Variants in RABGAP1L observed in about 807,000 individuals in gnomAD.
RABGAP1L encodes the protein RAB GTPase activating protein 1 like.
A neutral mutation model predicts 137.7 loss-of-function variants in RABGAP1L; 63 were observed. The ratio of observed to expected loss-of-function variants is 0.46; its 90% CI spans 0.37 to 0.56. The LOEUF (loss-of-function observed/expected upper bound fraction) is 0.56, where lower values mean the gene tolerates loss of function less well. Among genes scored for constraint, RABGAP1L ranks in the 20% least tolerant of loss-of-function variants. The pLI, the probability that RABGAP1L is intolerant of heterozygous loss-of-function variation, is 0.00. For synonymous variants in RABGAP1L, 431 were observed against 433.7 expected, an observed-to-expected ratio of 0.99 and a Z score of 0.08; for missense variants, 1,095 against 1,244.0, an observed-to-expected ratio of 0.88 and a Z score of 1.80.
intron 17 of RABGAP1L, among the ~76,000 whole-genome samples, chr1:174,703,044 A>G (rs935611966): frequency 4.6e-5 from 7 of 152,174 alleles, no homozygotes; most frequent in African/African-American, 1.7e-4. Flanking sequence ...AAGCTTATCT[A>G]TGTGATTATA....
chr1:174,614,054 T>G (rs1410322028), intron 13 of RABGAP1L, among the ~76,000 whole-genome samples: 1 of 152,244 alleles, frequency 6.6e-6, no homozygotes, highest in Admixed American at 6.5e-5. Context: ...TTATTCCATT[T>G]ACATGTAAAG....
At chr1:174,932,546 G>A (rs572668244) in intron 19 of RABGAP1L, among the ~76,000 whole-genome samples, 1 of 152,134 alleles carries the variant, frequency 6.6e-6, no homozygotes, top group African/African-American at 2.4e-5. Flanking sequence ...TCATTGGCTG[G>A]TGATGCTTAC....
At chr1:174,742,175 A>G (rs1480401002) in intron 17 of RABGAP1L, among the ~76,000 whole-genome samples, 2 of 90,252 alleles carry the variant, frequency 2.2e-5, no homozygotes, top group Non-Finnish European at 3.7e-5. Context: ...GGAGGAGGAA[A>G]GAAGAAGAAG....
intron 10 of RABGAP1L, among the ~76,000 whole-genome samples, chr1:174,290,475 A>G (rs914181617): frequency 4.6e-5 from 7 of 152,134 alleles, no homozygotes; most frequent in African/African-American, 7.2e-5. Context: ...TATACTTCCA[A>G]TACAACTTTT....
intron 17 of RABGAP1L, among the ~76,000 whole-genome samples, chr1:174,745,326 G>A (rs1683786899): frequency 6.6e-6 from 1 of 152,186 alleles, no homozygotes; most frequent in Admixed American, 6.5e-5. Flanking sequence ...GAAGGCCTGG[G>A]CACATAAACT....
At chr1:174,885,933 C>G (rs774506560) in intron 19 of RABGAP1L, among the ~76,000 whole-genome samples, 2 of 151,718 alleles carry the variant, frequency 1.3e-5, no homozygotes, top group African/African-American at 4.8e-5. Flanking sequence ...CACCACTGCA[C>G]TCCAGCCTGG....
intron 13 of RABGAP1L, among the ~76,000 whole-genome samples, chr1:174,425,918 C>T (rs1651895599): frequency 6.6e-6 from 1 of 151,996 alleles, no homozygotes; most frequent in Admixed American, 6.5e-5. Context: ...TGCCATACGT[C>T]TAGTTTATTA....
At chr1:174,234,128 G>C (rs1670935527) in intron 4 of RABGAP1L, among the ~76,000 whole-genome samples, 1 of 119,932 alleles carries the variant, frequency 8.3e-6, no homozygotes. Context: ...TTTTTTTCTT[G>C]TAAATTTGTT....
In RABGAP1L at chr1:174,637,441, A is replaced by G. The variant is rs1397576351; in HGVS notation, c.1777A>G (p.Lys593Glu). The change falls in exon 14 of 26, where the codon AAA (lysine) becomes GAA (glutamate). Residue 593 changes from lysine to glutamate, a missense_variant. Lys to Glu is a moderately conservative substitution (Grantham distance 56). Transcript: ENST00000681986. ...TACATTTCCCGCACATGATTACTTT[A>G]AAGATACTGGAGGAGATGGTCAAGA... ...HRTFPAHDYF[K>E]DTGGDGQESL... 1.9e-6 allele frequency: 3 copies of G among 1,612,930 alleles called. No homozygotes were observed. In the African/African-American group the frequency reaches 4.0e-5, roughly 22 times the overall value.
chr1:174,855,007 G>A (rs957320945), intron 19 of RABGAP1L, among the ~76,000 whole-genome samples: 8 of 151,668 alleles, frequency 5.3e-5, no homozygotes, highest in Non-Finnish European at 1.0e-4. Flanking sequence ...CAAAGTGCTG[G>A]GATTACAGGA....
intron 1 of RABGAP1L, among the ~76,000 whole-genome samples, chr1:174,202,019 A>G (rs899649506): frequency 2.0e-5 from 3 of 151,844 alleles, no homozygotes; most frequent in African/African-American, 7.3e-5. Flanking sequence ...CATGGTGTAT[A>G]TGTGCCACAT....
intron 1 of RABGAP1L, among the ~76,000 whole-genome samples, chr1:174,182,232 C>T (rs1018132629): frequency 6.6e-5 from 10 of 151,048 alleles, no homozygotes; most frequent in East Asian, 1.9e-4. Context: ...TGAGGAGATT[C>T]GGGGAAAAAA....
chr1:174,807,369 G>A (rs1439802133), intron 18 of RABGAP1L, among the ~76,000 whole-genome samples: 7 of 151,862 alleles, frequency 4.6e-5, no homozygotes, highest in Non-Finnish European at 8.8e-5. Flanking sequence ...TAAAAAAAAA[G>A]CCAAACAACT....
intron 13 of RABGAP1L, among the ~76,000 whole-genome samples, chr1:174,443,220 C>A (rs1029706801): frequency 1.8e-4 from 27 of 152,106 alleles, no homozygotes; most frequent in African/African-American, 6.3e-4. Flanking sequence ...GATTTCCTTT[C>A]TTTTGGATAT....
intron 13 of RABGAP1L, among the ~76,000 whole-genome samples, chr1:174,530,744 T>G (rs987793203): frequency 2.6e-5 from 4 of 152,148 alleles, no homozygotes; most frequent in Non-Finnish European, 4.4e-5. Flanking sequence ...CTATTTTGGT[T>G]CTTCTTAGTG....
intron 13 of RABGAP1L, among the ~76,000 whole-genome samples, chr1:174,447,647 C>T (rs1571856260): frequency 6.6e-6 from 1 of 152,146 alleles, no homozygotes; most frequent in Admixed American, 6.5e-5. Flanking sequence ...CTCATTCTTT[C>T]CAGTTGCTCC....
chr1:174,747,785 T>G (rs1044226345), intron 17 of RABGAP1L, among the ~76,000 whole-genome samples: 2 of 152,152 alleles, frequency 1.3e-5, no homozygotes, highest in Non-Finnish European at 1.5e-5. Context: ...TTATCATTAT[T>G]AATAATGACA....
At chr1:174,244,932 AT>A in intron 5 of RABGAP1L, 1 of 152,286 alleles carries the variant, frequency 6.6e-6, no homozygotes, top group East Asian at 1.9e-4. Flanking sequence ...GTTTTTTGTC[AT>A]CTGGTGTTAA....
intron 13 of RABGAP1L, among the ~76,000 whole-genome samples, chr1:174,551,487 G>A (rs191454064): frequency 6.6e-6 from 1 of 152,156 alleles, no homozygotes; most frequent in Non-Finnish European, 1.5e-5. Context: ...ATCAAAATAT[G>A]TGGGAGGTAG....
Sources: allele counts gnomAD v4.1 joint callset (sites outside exome capture counted in the v4.1 genomes callset), GRCh38; gene constraint gnomAD v4.1.1; transcripts MANE v1.5; gene names NCBI Gene and HGNC (gene_info 2026-07-23, HGNC 2026-07-21).